The following ADGRL3 variants were observed in gnomAD, a reference collection of about 807,000 sequenced individuals.
The protein encoded by ADGRL3 is adhesion G protein-coupled receptor L3.
In ADGRL3, 62 loss-of-function variants were observed where a neutral mutation model predicts 153.5. The ratio of observed to expected loss-of-function variants is 0.40; its 90% CI spans 0.33 to 0.50. ADGRL3 has a LOEUF of 0.50. Ranked by LOEUF, ADGRL3 falls within the 20% of genes least tolerant of loss-of-function variation. ADGRL3 has a pLI of 0.47. For synonymous variants in ADGRL3, 710 were observed against 672.5 expected (o/e 1.06, Z -0.86); for missense variants, 1,641 against 1,859.4 (o/e 0.88, Z 2.16).
chr4:61,584,189 C>T (rs2098937209), intron 4 of ADGRL3, among the ~76,000 whole-genome samples: 2 of 151,888 alleles, frequency 1.3e-5, no homozygotes, highest in Admixed American at 6.6e-5. Context: ...TCCAGCCATA[C>T]ATTCCCATTA....
intron 1 of ADGRL3, among the ~76,000 whole-genome samples, chr4:61,306,518 TCCTAGTTTTAAAAC>T (rs796079734): frequency 5.3e-5 from 8 of 151,480 alleles, no homozygotes; most frequent in African/African-American, 1.9e-4. Flanking sequence ...ATGTGAACTT[TCCTAGTTTTAAAAC>T]CATGGCTACT....
At position 61,328,244 on chromosome 4, in the gene ADGRL3, T is replaced by C. The variant is rs531350260; in HGVS notation, c.-239-54880T>C. Reference sequence around the variant, plus strand: ...GAGCTTGAGTGAGTTAACTTCAATTTTAAATCCTAATCTATTGAGTGAATA... The same window carrying C: ...GAGCTTGAGTGAGTTAACTTCAATTCTAAATCCTAATCTATTGAGTGAATA... On this transcript the variant is annotated intron_variant, in intron 1 of 26. Coordinates refer to ENST00000683033, the MANE Select transcript of ADGRL3 (RefSeq NM_001387552.1). Among the ~76,000 whole-genome samples the C allele has an allele frequency of 7.9e-5, 12 of 152,270 alleles. 1 individual carries two copies. In the East Asian group the frequency reaches 2.3e-3, roughly 29 times the overall value.
At chr4:61,718,539 C>G (rs899666770) in intron 6 of ADGRL3, among the ~76,000 whole-genome samples, 1 of 152,038 alleles carries the variant, frequency 6.6e-6, no homozygotes, top group Non-Finnish European at 1.5e-5. Context: ...CAAAAAAGAT[C>G]ACCTTATGTG....
At chr4:61,649,847 A>G (rs567174740) in intron 5 of ADGRL3, among the ~76,000 whole-genome samples, 1 of 152,304 alleles carries the variant, frequency 6.6e-6, no homozygotes, top group South Asian at 2.1e-4. Flanking sequence ...ATGTGTGTGT[A>G]TAATATGGAC....
At chr4:61,690,559 G>C (rs778913163) in intron 6 of ADGRL3, among the ~76,000 whole-genome samples, 6 of 152,022 alleles carry the variant, frequency 3.9e-5, no homozygotes, top group Admixed American at 6.6e-5. Context: ...GGTTTTCCTT[G>C]ACTTGCTGTC....
chr4:61,406,220 CAT>C (rs1049838263), intron 2 of ADGRL3, among the ~76,000 whole-genome samples: 9 of 151,662 alleles, frequency 5.9e-5, no homozygotes, highest in African/African-American at 1.9e-4. Context: ...ACATAGCTAA[CAT>C]GTGGGAAAGC....
intron 4 of ADGRL3, among the ~76,000 whole-genome samples, chr4:61,555,969 G>A (rs562839307): frequency 6.6e-6 from 1 of 152,130 alleles, no homozygotes; most frequent in Admixed American, 6.6e-5. Context: ...TTATCAGCAA[G>A]GTCTTTATGA....
chr4:61,909,509 A>T, intron 11 of ADGRL3, 51 bp from the exon 12 acceptor site: 1 of 1,255,920 alleles, frequency 8.0e-7, no homozygotes, highest in Non-Finnish European at 1.1e-6. Flanking sequence ...GAAAGCAATA[A>T]AAGTATTTAT....
intron 8 of ADGRL3, among the ~76,000 whole-genome samples, chr4:61,747,526 A>C (rs2096683147): frequency 6.8e-6 from 1 of 146,382 alleles, no homozygotes; most frequent in African/African-American, 2.6e-5. Flanking sequence ...AGTGGGCTTC[A>C]TCCCTGGGAT....
chr4:62,028,757 G>A, intron 21 of ADGRL3, 98 bp from the exon 22 acceptor site: 1 of 875,966 alleles, frequency 1.1e-6, no homozygotes, highest in East Asian at 2.7e-5. Flanking sequence ...GTGGGGGACA[G>A]AGGCCTTTGG....
At chr4:61,256,617 T>C (rs752409455) in intron 1 of ADGRL3, among the ~76,000 whole-genome samples, 6 of 152,158 alleles carry the variant, frequency 3.9e-5, no homozygotes, top group Non-Finnish European at 7.4e-5. Flanking sequence ...GTATTGTGAG[T>C]GAATGAATAC....
At chr4:61,708,483 TG>T (rs2095895762) in intron 6 of ADGRL3, among the ~76,000 whole-genome samples, 2 of 72,540 alleles carry the variant, frequency 2.8e-5, no homozygotes, top group Admixed American at 1.5e-4. Flanking sequence ...TTACAGTCTT[TG>T]TTTTTTTTTT....
rs555115043 is a variant in ADGRL3 at position 61,451,508 on chromosome 4, T to C, written c.-173-45613T>C. On this transcript the variant is annotated intron_variant, in intron 2 of 26. Transcript: ENST00000683033. ...TATGCTACCTCAGATATCACCAAGA[T>C]AAATAGTTTACTTATTAATACATTA... 3.9e-5 allele frequency among the ~76,000 whole-genome samples: 6 copies of C among 152,236 alleles called. No homozygotes were observed. In the South Asian group the frequency reaches 1.2e-3, roughly 32 times the overall value.
intron 18 of ADGRL3, among the ~76,000 whole-genome samples, chr4:61,981,341 G>T (rs1281225385): frequency 1.3e-5 from 2 of 151,966 alleles, no homozygotes; most frequent in Non-Finnish European, 2.9e-5. Flanking sequence ...GGTCTAAAAT[G>T]GGTTTTTCTA....
At chr4:61,279,016 T>G (rs1271196116) in intron 1 of ADGRL3, among the ~76,000 whole-genome samples, 1 of 152,214 alleles carries the variant, frequency 6.6e-6, no homozygotes, top group African/African-American at 2.4e-5. Context: ...TACAATTTAG[T>G]GCTTTAAACA....
intron 5 of ADGRL3, among the ~76,000 whole-genome samples, chr4:61,602,783 A>G (rs2099017147): frequency 6.6e-6 from 1 of 152,170 alleles, no homozygotes; most frequent in Non-Finnish European, 1.5e-5. Context: ...ATCACAAAAC[A>G]GTTTATCCTT....
chr4:61,513,890 A>G (rs915814380), intron 3 of ADGRL3, among the ~76,000 whole-genome samples: 17 of 152,184 alleles, frequency 1.1e-4, no homozygotes, highest in Non-Finnish European at 1.5e-5. Context: ...ACTTTGCGAC[A>G]TCTTAAAATT....
At chr4:61,505,417 T>C (rs775503446) in intron 3 of ADGRL3, among the ~76,000 whole-genome samples, 1 of 152,104 alleles carries the variant, frequency 6.6e-6, no homozygotes, top group Non-Finnish European at 1.5e-5. Context: ...AATTAATAAT[T>C]GTCCATAATT....
intron 8 of ADGRL3, among the ~76,000 whole-genome samples, chr4:61,742,145 C>T (rs1451125911): frequency 2.0e-5 from 3 of 152,154 alleles, no homozygotes; most frequent in African/African-American, 2.4e-5. Flanking sequence ...GAATCCAATG[C>T]TTCTACCCAT....
Sources: gnomAD v4.1 joint callset for allele counts (sites outside exome capture counted in the v4.1 genomes callset) on GRCh38, gnomAD v4.1.1 for gene constraint, MANE v1.5 for transcripts, NCBI Gene and HGNC (gene_info 2026-07-23, HGNC 2026-07-21) for gene names.